Variants in PRDM16 observed in about 807,000 individuals in gnomAD.
PRDM16 encodes histone-lysine N-methyltransferase PRDM16.
PRDM16 carries 23 observed loss-of-function variants against 110.6 expected under a neutral mutation model. The ratio of observed to expected loss-of-function variants is 0.21; its 90% CI spans 0.15 to 0.29. The LOEUF (loss-of-function observed/expected upper bound fraction) is 0.29. PRDM16 is among the 10% of genes least tolerant of loss of function. PRDM16 has a pLI of 1.00. For synonymous variants in PRDM16, 799 were observed against 781.8 expected (o/e 1.02, Z -0.37); for missense variants, 1,615 against 1,794.3 (o/e 0.90, Z 1.81).
At chr1:3,227,711 G>A (rs748814865) in intron 2 of PRDM16, among the ~76,000 whole-genome samples, 10 of 152,208 alleles carry the variant, frequency 6.6e-5, no homozygotes, top group East Asian at 1.9e-4. Context: ...CAGGCTGCCC[G>A]TCTCCGCCAG....
intron 1 of PRDM16, among the ~76,000 whole-genome samples, chr1:3,123,593 G>T (rs1404044618): frequency 1.3e-5 from 2 of 152,250 alleles, no homozygotes; most frequent in African/African-American, 4.8e-5. Flanking sequence ...CTCCAGTGCA[G>T]CAGGTGCTGC....
intron 1 of PRDM16, among the ~76,000 whole-genome samples, chr1:3,109,968 GGGACACAGTGTCTGTGC>G (rs1642747222): frequency 6.6e-6 from 1 of 151,178 alleles, no homozygotes; most frequent in Non-Finnish European, 1.5e-5. Context: ...CCTGGGTGTG[GGGACACAGTGTCTGTGC>G]CTCCCCCGTG....
intron 3 of PRDM16, among the ~76,000 whole-genome samples, chr1:3,270,722 GGA>G (rs112222731): frequency 1.1e-3 from 90 of 85,690 alleles, no homozygotes; most frequent in African/African-American, 7.6e-3. Flanking sequence ...AGGACAGTCG[GGA>G]GGAGGACAGT....
chr1:3,176,671 A>G (rs1644093785), intron 1 of PRDM16, among the ~76,000 whole-genome samples: 1 of 149,672 alleles, frequency 6.7e-6, no homozygotes, highest in African/African-American at 2.5e-5. Context: ...CCAGCCATTC[A>G]TTCACCTATC....
chr1:3,160,516 T>A (rs1005996689), intron 1 of PRDM16, among the ~76,000 whole-genome samples: 1 of 151,888 alleles, frequency 6.6e-6, no homozygotes, highest in African/African-American at 2.4e-5. Context: ...TTGTCCAGGG[T>A]AAGGGCGACA....
At chr1:3,104,884 C>T (rs1642617416) in intron 1 of PRDM16, among the ~76,000 whole-genome samples, 1 of 152,160 alleles carries the variant, frequency 6.6e-6, no homozygotes, top group Non-Finnish European at 1.5e-5. Flanking sequence ...GCTCACTGAA[C>T]ACATGCATGA....
At chr1:3,163,899 G>A (rs915252421) in intron 1 of PRDM16, among the ~76,000 whole-genome samples, 4 of 152,216 alleles carry the variant, frequency 2.6e-5, no homozygotes, top group African/African-American at 7.2e-5. Flanking sequence ...AATAATGGCC[G>A]CTGGGACTGC....
chr1:3,181,042 A>G (rs1353248666), intron 1 of PRDM16, among the ~76,000 whole-genome samples: 3 of 135,538 alleles, frequency 2.2e-5, no homozygotes, highest in African/African-American at 8.0e-5. Flanking sequence ...GCGGTCTTAC[A>G]CACGCAGTCT....
intron 1 of PRDM16, among the ~76,000 whole-genome samples, chr1:3,101,010 G>A (rs1642520060): frequency 6.6e-6 from 1 of 152,128 alleles, no homozygotes; most frequent in Non-Finnish European, 1.5e-5. Context: ...GTCCGGCTGA[G>A]GACAGGGGCT....
chr1:3,374,968 G>T (rs1248615305), intron 3 of PRDM16, among the ~76,000 whole-genome samples: 1 of 152,230 alleles, frequency 6.6e-6, no homozygotes, highest in East Asian at 1.9e-4. Flanking sequence ...GGGCAGGGCT[G>T]AGCACAGGGG....
Position 3,425,308 on chromosome 1 carries a change from G to A in PRDM16, c.2940-273G>A, listed in dbSNP as rs1638568534. 6.5e-6 allele frequency: 2 copies of A among 309,852 alleles called. No homozygotes were observed. The highest frequency in any genetic ancestry group is 1.1e-4 in the South Asian group (2 of 18,376). The allele number at this position is 309,852 out of a possible 1,614,324, so 19.2% of individuals were successfully genotyped here. A position where few individuals can be genotyped will look rare whatever the true frequency, so the allele number is the denominator to read the frequency against. ...TCAGCCAGGATGGTCTCGATCTCCT[G>A]ACCTCGTGATCCACCCGCCTTGGCC... On this transcript the variant is annotated intron_variant, in intron 12 of 16. Transcript: ENST00000270722. This position sits in a 1 kb window ranked among gnomAD's most constrained non-coding sequence, Gnocchi z 6.9.
Position 3,328,092 on chromosome 1 carries a change from A to G in PRDM16, c.439-57060A>G, listed in dbSNP as rs116154748. Among the ~76,000 whole-genome samples the G allele has an allele frequency of 9.8e-3, 1,493 of 152,266 alleles. 14 individuals are homozygous for G. The highest frequency in any genetic ancestry group is 0.033 in the African/African-American group (1,382 of 41,570). ...GGGCCTCCAGGAAGCTGGATGTGCT[A>G]GGCGTTGGGGTCCCAGAGGCGAGGC... On this transcript the variant is annotated intron_variant, in intron 3 of 16. Coordinates refer to ENST00000270722, the MANE Select transcript of PRDM16 (RefSeq NM_022114.4).
chr1:3,384,428 C>G (rs1326202147), intron 3 of PRDM16, among the ~76,000 whole-genome samples: 6 of 152,214 alleles, frequency 3.9e-5, no homozygotes, highest in African/African-American at 1.4e-4. Context: ...CACCGTCTCT[C>G]CACAGTGGAC....
At chr1:3,247,487 G>C (rs528506503) in intron 3 of PRDM16, among the ~76,000 whole-genome samples, 104 of 152,308 alleles carry the variant, frequency 6.8e-4, no homozygotes, top group African/African-American at 2.4e-3. Flanking sequence ...TCCTGTGGGC[G>C]CTACAGAGGT....
intron 1 of PRDM16, among the ~76,000 whole-genome samples, chr1:3,161,911 G>A (rs1457557214): frequency 6.6e-6 from 1 of 152,196 alleles, no homozygotes; most frequent in Non-Finnish European, 1.5e-5. Context: ...CAGTGGAGAT[G>A]ATTGGGTTTG....
rs140534345 is a variant in PRDM16 at position 3,122,956 on chromosome 1, G to A, written c.37+53660G>A. Among the ~76,000 whole-genome samples the A allele has an allele frequency of 6.8e-3, 1,040 of 152,324 alleles. 11 individuals carry two copies. The highest frequency in any genetic ancestry group is 0.023 in the African/African-American group (948 of 41,566). ...TTGCACGGGAGCCCGAGGCCTGGGG[G>A]ACGGCTCAGGGGGTCTTGGTGCTCA... On this transcript the variant is annotated intron_variant, in intron 1 of 16. Coordinates refer to ENST00000270722, the MANE Select transcript of PRDM16 (RefSeq NM_022114.4).
Position 3,370,851 on chromosome 1 carries a change from C to T in PRDM16, c.439-14301C>T, listed in dbSNP as rs1642892372. Among the ~76,000 whole-genome samples the T allele has an allele frequency of 6.6e-6, 1 of 151,964 alleles. No individual in the cohort carries two copies. Among genetic ancestry groups the T allele is most frequent in the African/African-American group, 2.4e-5 (1 of 41,446 alleles). On this transcript the variant is annotated intron_variant, in intron 3 of 16. Coordinates refer to ENST00000270722, the MANE Select transcript of PRDM16 (RefSeq NM_022114.4). The surrounding 1 kb of genome is among the most constrained non-coding windows in gnomAD (Gnocchi z 4.8). ...ATCTATTCATCCATCCGTCCACCCA[C>T]CCATCCATCCATTAATTATCCATCC... is the stretch of plus-strand genomic sequence containing the variant.
Position 3,206,229 on chromosome 1 carries a change from C to G in PRDM16, c.387+19755C>G, listed in dbSNP as rs1181698939. The G allele has an allele frequency of 6.6e-6, 1 of 152,322 alleles. No homozygotes were observed. Among genetic ancestry groups the G allele is most frequent in the East Asian group, 1.9e-4 (1 of 5,182 alleles). The allele number at this position is 152,322 out of a possible 1,614,324, so 9.4% of individuals were successfully genotyped here. ...GGCCCACACTGACCTGGCCAGGCCA[C>G]TCCTCTGGAGATCCTCCCTGTGAAC... On this transcript the variant is annotated intron_variant, in intron 2 of 16. Coordinates refer to ENST00000270722, the MANE Select transcript of PRDM16 (RefSeq NM_022114.4). The surrounding 1 kb of genome is among the most constrained non-coding windows in gnomAD (Gnocchi z 4.9).
intron 2 of PRDM16, among the ~76,000 whole-genome samples, chr1:3,236,069 A>ATACT: frequency 6.6e-6 from 1 of 152,048 alleles, no homozygotes; most frequent in Middle Eastern, 3.4e-3. Context: ...GTATCCAGAG[A>ATACT]GCAGGCATCC....
Sources: allele counts gnomAD v4.1 joint callset (sites outside exome capture counted in the v4.1 genomes callset), GRCh38; gene constraint gnomAD v4.1.1; non-coding constraint Gnocchi (gnomAD v3.1); transcripts MANE v1.5; gene names NCBI Gene and HGNC (gene_info 2026-07-23, HGNC 2026-07-21).